The following CEMIP variants were observed in gnomAD, a reference collection of about 807,000 sequenced individuals.
CEMIP encodes cell migration-inducing and hyaluronan-binding protein.
CEMIP carries 105 observed loss-of-function variants against 156.9 expected under a neutral mutation model. The ratio of observed to expected loss-of-function variants is 0.67; its 90% CI spans 0.57 to 0.79. The LOEUF is 0.79. CEMIP is among the 30% of genes least tolerant of loss of function. The probability of loss-of-function intolerance (pLI) is 0.00; values close to 1 mark genes in which losing one functional copy is unlikely to be tolerated. For missense variants in CEMIP, 1,457 were observed against 1,769.4 expected, an observed-to-expected ratio of 0.82 and a Z score of 3.17; for synonymous variants, 676 against 668.4, an observed-to-expected ratio of 1.01 and a Z score of -0.17.
chr15:80,915,658 C>A (rs12904885), intron 14 of CEMIP, among the ~76,000 whole-genome samples: 6 of 151,908 alleles, frequency 3.9e-5, no homozygotes, highest in Non-Finnish European at 7.4e-5. Flanking sequence ...ACGCTTCCCC[C>A]CAGGCTACTC....
intron 15 of CEMIP, 44 bp from the exon 16 acceptor site, chr15:80,920,988 G>T: frequency 6.4e-7 from 1 of 1,563,756 alleles, no homozygotes; most frequent in Non-Finnish European, 8.8e-7. Flanking sequence ...GATGACCCCT[G>T]GCGGCCCTTT....
intron 27 of CEMIP, 102 bp from the exon 28 acceptor site, chr15:80,942,843 T>G: frequency 7.5e-7 from 1 of 1,340,216 alleles, no homozygotes; most frequent in Non-Finnish European, 1.1e-6. Flanking sequence ...AATAGATGCA[T>G]AGGCAACTTC....
At position 80,924,553 on chromosome 15, in the gene CEMIP, T is replaced by C. The variant is rs1900587038; in HGVS notation, c.2203-68T>C. On this transcript the variant is annotated intron_variant, in intron 17 of 29. Coordinates refer to ENST00000394685, the MANE Select transcript of CEMIP (RefSeq NM_001293298.2). Reference sequence around the variant, plus strand: ...AGCATTCAGAAGTATGCAGTGAGGCTGACTGTGAGACGATGCCTGTAGCCC... The same window carrying C: ...AGCATTCAGAAGTATGCAGTGAGGCCGACTGTGAGACGATGCCTGTAGCCC... The C allele has an allele frequency of 1.7e-5, 23 of 1,375,970 alleles. No homozygotes were observed. In the East Asian group the frequency reaches 5.3e-4, roughly 32 times the overall value. 85.2% of individuals were successfully genotyped at this position (1,375,970 alleles called of 1,614,324 possible). A position where few individuals can be genotyped will look rare whatever the true frequency, so the allele number is the denominator to read the frequency against.
chr15:80,892,823 G>A (rs1596164389), intron 10 of CEMIP, among the ~76,000 whole-genome samples: 2 of 152,192 alleles, frequency 1.3e-5, no homozygotes, highest in East Asian at 1.9e-4. Context: ...TTCCTCATGG[G>A]CATGTTTTGT....
chr15:80,819,418 C>T (rs1333093075), intron 1 of CEMIP, among the ~76,000 whole-genome samples: 1 of 152,166 alleles, frequency 6.6e-6, no homozygotes, highest in Non-Finnish European at 1.5e-5. Flanking sequence ...GTTCGGCTTG[C>T]TTATGTTTGC....
chr15:80,937,478 T>C (rs1177729470), intron 24 of CEMIP, among the ~76,000 whole-genome samples: 1 of 152,210 alleles, frequency 6.6e-6, no homozygotes, highest in Admixed American at 6.5e-5. Flanking sequence ...CCTAGGTCCT[T>C]TGGATCCTGT....
chr15:80,902,876 G>A (rs1309385140), intron 12 of CEMIP, among the ~76,000 whole-genome samples: 1 of 152,174 alleles, frequency 6.6e-6, no homozygotes, highest in African/African-American at 2.4e-5. Flanking sequence ...CCTACCATAT[G>A]CCAGGGGCTT....
chr15:80,950,855 T>C lies in CEMIP; in HGVS notation c.*1931T>C, dbSNP rs1438023020. The C allele has an allele frequency of 6.5e-6, 1 of 152,734 alleles. No individual in the cohort carries two copies. The highest frequency in any genetic ancestry group is 1.5e-5 in the Non-Finnish European group (1 of 68,124). The allele number at this position is 152,734 out of a possible 1,614,324, so 9.5% of individuals were successfully genotyped here. On this transcript the variant is annotated 3_prime_UTR_variant, in exon 30 of 30. Coordinates refer to ENST00000394685, the MANE Select transcript of CEMIP (RefSeq NM_001293298.2). ...TGTGATGAACTACATTTATCCCCTT[T>C]CCTGCCCCAACCACAAACTCTTTCC...
At chr15:80,931,135 G>A (rs11856212) in intron 21 of CEMIP, among the ~76,000 whole-genome samples, 1,801 of 152,302 alleles carry the variant, frequency 0.012, 31 homozygotes, top group African/African-American at 0.041. Flanking sequence ...GCCTGTTGCC[G>A]CTTCCCACCT....
chr15:80,835,426 A>G (rs946292001), intron 1 of CEMIP, among the ~76,000 whole-genome samples: 1 of 152,226 alleles, frequency 6.6e-6, no homozygotes. Context: ...GTAGGAGCTC[A>G]ATCAGTATCT....
At chr15:80,862,687 T>G (rs1039815527) in intron 1 of CEMIP, among the ~76,000 whole-genome samples, 4 of 152,172 alleles carry the variant, frequency 2.6e-5, no homozygotes, top group African/African-American at 9.7e-5. Context: ...TGCACGAAGA[T>G]AGCAGCAGGT....
At chr15:80,901,637 G>A (rs958965654) in intron 12 of CEMIP, among the ~76,000 whole-genome samples, 6 of 151,882 alleles carry the variant, frequency 4.0e-5, no homozygotes, top group African/African-American at 1.5e-4. Flanking sequence ...TGGAGGTGGA[G>A]GTTGCAGTGA....
At chr15:80,830,277 A>G (rs1897130729) in intron 1 of CEMIP, among the ~76,000 whole-genome samples, 1 of 152,188 alleles carries the variant, frequency 6.6e-6, no homozygotes, top group Admixed American at 6.5e-5. Flanking sequence ...AACAAGACAC[A>G]GTTCAACTTC....
At chr15:80,852,593 G>A (rs1189504136) in intron 1 of CEMIP, among the ~76,000 whole-genome samples, 1 of 151,834 alleles carries the variant, frequency 6.6e-6, no homozygotes, top group Non-Finnish European at 1.5e-5. Flanking sequence ...CTTTCATACT[G>A]AAATGTGGTT....
rs780307474 is a variant in CEMIP, at chr15:80,809,037, T to C, written c.-176+29423T>C. 3.9e-5 allele frequency among the ~76,000 whole-genome samples: 6 copies of C among 152,214 alleles called. No homozygotes were observed. The East Asian group carries it at 5.8e-4, about 15-fold the overall frequency. On this transcript the variant is annotated intron_variant, in intron 1 of 29. Coordinates refer to ENST00000394685, the MANE Select transcript of CEMIP (RefSeq NM_001293298.2). The stretch of plus-strand genomic sequence containing the variant: ...TATTGATTTTTCTTACATTACCTAC[T>C]TGTGGTCAGATGTGGGGATTTGCAC...
intron 6 of CEMIP, among the ~76,000 whole-genome samples, chr15:80,882,775 CACACACAT>C (rs1013409075): frequency 3.3e-5 from 5 of 151,990 alleles, no homozygotes; most frequent in African/African-American, 1.2e-4. Flanking sequence ...CACACACACA[CACACACAT>C]ACACACACAC....
chr15:80,918,530 G>C (rs1382730968), intron 14 of CEMIP, among the ~76,000 whole-genome samples: 1 of 152,202 alleles, frequency 6.6e-6, no homozygotes, highest in Non-Finnish European at 1.5e-5. Flanking sequence ...TGCCAGGGTG[G>C]TAGGTGGAGG....
intron 14 of CEMIP, among the ~76,000 whole-genome samples, chr15:80,917,717 A>G (rs1223536511): frequency 6.6e-6 from 1 of 152,244 alleles, no homozygotes; most frequent in Non-Finnish European, 1.5e-5. Context: ...GTTCTCCCAT[A>G]TGGAGTGAGT....
intron 28 of CEMIP, among the ~76,000 whole-genome samples, chr15:80,945,694 A>G (rs1901524341): frequency 6.6e-6 from 1 of 152,176 alleles, no homozygotes; most frequent in South Asian, 2.1e-4. Flanking sequence ...CCAGAATCCT[A>G]TACAGTTTTT....
Sources: allele counts gnomAD v4.1 joint callset (sites outside exome capture counted in the v4.1 genomes callset), GRCh38; gene constraint gnomAD v4.1.1; transcripts MANE v1.5; gene names NCBI Gene and HGNC (gene_info 2026-07-23, HGNC 2026-07-21).